The following EPG5 variants were observed in gnomAD, a reference collection of about 807,000 sequenced individuals.
EPG5 encodes the protein ectopic P granules protein 5 homolog.
EPG5 carries 159 observed loss-of-function variants against 302.7 expected under a neutral mutation model. The ratio of observed to expected loss-of-function variants is 0.53; its 90% CI spans 0.46 to 0.60. The LOEUF (loss-of-function observed/expected upper bound fraction) is 0.60. EPG5 is among the 20% of genes least tolerant of loss of function. The pLI, the probability that EPG5 is intolerant of heterozygous loss-of-function variation, is 0.00. For synonymous variants in EPG5, 1,158 were observed against 1,136.8 expected, an observed-to-expected ratio of 1.02 and a Z score of -0.37; for missense variants, 2,896 against 3,092.4, an observed-to-expected ratio of 0.94 and a Z score of 1.51.
At chr18:45,891,117 A>G (rs1055232920) in intron 27 of EPG5, among the ~76,000 whole-genome samples, 2 of 152,218 alleles carry the variant, frequency 1.3e-5, no homozygotes, top group African/African-American at 4.8e-5. Context: ...TCCTTTATAA[A>G]TAATGTAAAT....
intron 22 of EPG5, among the ~76,000 whole-genome samples, chr18:45,910,980 G>T: frequency 6.6e-6 from 1 of 151,254 alleles, no homozygotes; most frequent in Non-Finnish European, 1.5e-5. Context: ...CTACTTAGAG[G>T]TACAGCATAA....
chr18:45,913,950 T>C, intron 20 of EPG5, 122 bp from the exon 21 acceptor site: 1 of 1,277,418 alleles, frequency 7.8e-7, no homozygotes, highest in Non-Finnish European at 1.1e-6. Context: ...ATATTTGCAG[T>C]TTCTAAAATT....
At chr18:45,907,659 C>G (rs1444366567) in intron 24 of EPG5, among the ~76,000 whole-genome samples, 1 of 151,980 alleles carries the variant, frequency 6.6e-6, no homozygotes, top group Non-Finnish European at 1.5e-5. Flanking sequence ...TATTCAGCTA[C>G]TAACAACTTC....
the EPG5 span, chr18:45,840,362 C>A: frequency 8.6e-7 from 1 of 1,168,440 alleles, no homozygotes; most frequent in Non-Finnish European, 1.2e-6. Flanking sequence ...CTACTTTGAC[C>A]AGGGGCTGGG....
At chr18:45,839,354 C>T in the EPG5 span, among the ~76,000 whole-genome samples, 3 of 152,188 alleles carry the variant, frequency 2.0e-5, no homozygotes, top group African/African-American at 7.2e-5. Flanking sequence ...TATAGAGACC[C>T]AGACCCGGTT....
chr18:45,891,264 C>T (rs951463494), intron 27 of EPG5, among the ~76,000 whole-genome samples: 5 of 151,630 alleles, frequency 3.3e-5, no homozygotes, highest in African/African-American at 7.3e-5. Context: ...TTTGGGAGGC[C>T]GAGGTGCGCG....
chr18:45,804,399 CAA>C, the EPG5 span, among the ~76,000 whole-genome samples: 11 of 152,016 alleles, frequency 7.2e-5, no homozygotes, highest in Non-Finnish European at 1.5e-4. Context: ...CCAAATTTGG[CAA>C]AAGACATAAA....
rs1392554965 is a variant in EPG5 at position 45,939,645 on chromosome 18, T to C, written c.2054A>G (p.Asp685Gly). The change falls in exon 10 of 44, where the codon GAT becomes GGT. Residue 685 changes from aspartate (D) to glycine (G), a missense_variant. By Grantham distance (94) the Asp-to-Gly change is moderately conservative (BLOSUM62 -1). Coordinates refer to ENST00000282041, the MANE Select transcript of EPG5 (RefSeq NM_020964.3). ...TAGGACAGCCCTCAAAAACAGTTCA[T>C]CAAATTCAACCTGTAGTTTCTCCAT... ...YSMEKLQVEF[D>G]ELFLRAVLHV... is the part of the protein sequence containing the mutation. The C allele has an allele frequency of 1.2e-6, 2 of 1,614,048 alleles. No individual in the cohort carries two copies. The highest frequency in any genetic ancestry group is 1.7e-6 in the Non-Finnish European group (2 of 1,180,040).
the EPG5 span, among the ~76,000 whole-genome samples, chr18:45,819,830 G>A: frequency 6.6e-6 from 1 of 152,102 alleles, no homozygotes; most frequent in East Asian, 1.9e-4. Context: ...CCATACAGGT[G>A]GGATCCAAAA....
At chr18:45,836,228 A>G in the EPG5 span, among the ~76,000 whole-genome samples, 1 of 151,860 alleles carries the variant, frequency 6.6e-6, no homozygotes, top group African/African-American at 2.4e-5. Flanking sequence ...AACCTGTGTG[A>G]CTCTGAGCCT....
intron 29 of EPG5, among the ~76,000 whole-genome samples, chr18:45,886,383 T>C (rs1015797342): frequency 6.6e-6 from 1 of 152,236 alleles, no homozygotes; most frequent in Non-Finnish European, 1.5e-5. Flanking sequence ...TATAGGTCTG[T>C]ATTTATTAAC....
chr18:45,947,643 C>G (rs2050814670), intron 6 of EPG5, among the ~76,000 whole-genome samples: 1 of 152,154 alleles, frequency 6.6e-6, no homozygotes, highest in African/African-American at 2.4e-5. Context: ...CCGCACACAC[C>G]TTTGCTTCAG....
chr18:45,874,373 A>AG (rs1407558791), intron 35 of EPG5, among the ~76,000 whole-genome samples: 1 of 152,188 alleles, frequency 6.6e-6, no homozygotes, highest in Non-Finnish European at 1.5e-5. Flanking sequence ...CAAAAAAAAA[A>AG]CAAAACTGGA....
chr18:45,820,651 G>A, the EPG5 span, among the ~76,000 whole-genome samples: 1 of 152,130 alleles, frequency 6.6e-6, no homozygotes. Flanking sequence ...AGCCAGCTGG[G>A]GGTTCATCTT....
the EPG5 span, among the ~76,000 whole-genome samples, chr18:45,809,590 A>T: frequency 6.6e-6 from 1 of 152,228 alleles, no homozygotes; most frequent in Non-Finnish European, 1.5e-5. Context: ...ATGCAAATAC[A>T]TGGAAATTAA....
intron 7 of EPG5, among the ~76,000 whole-genome samples, chr18:45,945,130 A>G (rs2050757961): frequency 6.6e-6 from 1 of 152,234 alleles, no homozygotes; most frequent in African/African-American, 2.4e-5. Flanking sequence ...TCAACAAGGG[A>G]CTAAGGCAAA....
chr18:45,965,830 G>GCTCCC (rs2051237065), intron 1 of EPG5, among the ~76,000 whole-genome samples: 1 of 151,944 alleles, frequency 6.6e-6, no homozygotes, highest in Non-Finnish European at 1.5e-5. Flanking sequence ...AAGATGGGCG[G>GCTCCC]ATCACCTGAG....
the EPG5 span, among the ~76,000 whole-genome samples, chr18:45,821,849 T>TG: frequency 1.3e-5 from 2 of 152,220 alleles, no homozygotes; most frequent in Non-Finnish European, 2.9e-5. Flanking sequence ...AACAGGTATA[T>TG]GAACAAATGC....
At chr18:45,961,215 A>G (rs1442952665) in intron 1 of EPG5, among the ~76,000 whole-genome samples, 1 of 152,154 alleles carries the variant, frequency 6.6e-6, no homozygotes, top group Non-Finnish European at 1.5e-5. Flanking sequence ...GCCCCCTTAC[A>G]GTCTATTCTC....
Sources: allele counts gnomAD v4.1 joint callset (sites outside exome capture counted in the v4.1 genomes callset), GRCh38; gene constraint gnomAD v4.1.1; transcripts MANE v1.5; gene names NCBI Gene and HGNC (gene_info 2026-07-23, HGNC 2026-07-21).